Variants in VPS13B observed in about 807,000 individuals in gnomAD.
VPS13B encodes the protein intermembrane lipid transfer protein VPS13B.
A neutral mutation model predicts 426.4 loss-of-function variants in VPS13B; 285 were observed. That is an observed-to-expected ratio of 0.67 (90% confidence interval 0.61 to 0.74). The LOEUF (loss-of-function observed/expected upper bound fraction) is 0.74, where lower values mean the gene tolerates loss of function less well. VPS13B is among the 30% of genes least tolerant of loss of function. VPS13B has a pLI of 0.00. For missense variants in VPS13B, 4,537 were observed against 4,782.6 expected (o/e 0.95, Z 1.51); for synonymous variants, 1,676 against 1,676.4 (o/e 1.00, Z 0.01).
At chr8:99,696,662 C>T (rs537266776) in intron 35 of VPS13B, 25 of 725,312 alleles carry the variant, frequency 3.4e-5, no homozygotes, top group Middle Eastern at 2.4e-4. Flanking sequence ...AGGACACCAT[C>T]GAGGAGAGGA....
At chr8:99,863,131 T>C (rs367956870) in intron 58 of VPS13B, among the ~76,000 whole-genome samples, 2 of 152,278 alleles carry the variant, frequency 1.3e-5, no homozygotes, top group African/African-American at 4.8e-5. Context: ...CTTTTGTATA[T>C]TGGGCCTGGT....
At chr8:99,158,254 G>T (rs1341654919) in intron 15 of VPS13B, among the ~76,000 whole-genome samples, 3 of 152,214 alleles carry the variant, frequency 2.0e-5, no homozygotes. Context: ...TCAAAAGGCG[G>T]CCGGGCACGG....
At chr8:99,601,468 A>G (rs967777272) in intron 33 of VPS13B, among the ~76,000 whole-genome samples, 1 of 152,150 alleles carries the variant, frequency 6.6e-6, no homozygotes, top group Admixed American at 6.5e-5. Context: ...ATACGTGTGC[A>G]TGTGTCTTTA....
rs768543090 is a variant in VPS13B, at chr8:99,699,596, C to G, written c.6118C>G (p.Leu2040Val). 1.2e-6 allele frequency: 2 copies of G among 1,613,956 alleles called. No homozygotes were observed. The highest frequency in any genetic ancestry group is 2.2e-5 in the East Asian group (1 of 44,878). The change falls in exon 36 of 62, where the codon CTT (leucine) becomes GTT (valine). Residue 2040 changes from leucine (L) to valine (V), a missense_variant. Leu to Val is a conservative substitution (Grantham distance 32). Transcript: ENST00000357162. Reference sequence around the variant, plus strand: ...TTTCACCAAACTGGATCAGATAAACCTTTTTTTAAAGAAGATAAAAAATGC... The same window carrying G: ...TTTCACCAAACTGGATCAGATAAACGTTTTTTTAAAGAAGATAAAAAATGC... ...LSFTKLDQIN[L>V]FLKKIKNAHS... is the part of the protein sequence containing the mutation.
At chr8:99,510,012 A>G in intron 28 of VPS13B, among the ~76,000 whole-genome samples, 1 of 152,174 alleles carries the variant, frequency 6.6e-6, no homozygotes, top group South Asian at 2.1e-4. Context: ...AAGTTATGAT[A>G]ATTTTTTTAC....
chr8:99,431,456 CA>C lies in VPS13B; in HGVS notation c.3083-79del, dbSNP rs979405154. The C allele has an allele frequency of 8.7e-5, 132 of 1,524,150 alleles. No individual in the cohort carries two copies. In the African/African-American group the frequency reaches 1.3e-3, roughly 15 times the overall value. 94.4% of individuals were successfully genotyped at this position (1,524,150 alleles called of 1,614,324 possible). ...TTATAATTTTAAGCAAGGAAAGAAA[CA>C]ATCTTGAAAATACGTTTGGTATGTT... On this transcript the variant is annotated intron_variant, in intron 21 of 61. Coordinates refer to ENST00000357162, the MANE Select transcript of VPS13B (RefSeq NM_152564.5).
chr8:99,391,736 T>C (rs1254932069), intron 21 of VPS13B, 32 bp downstream of exon 21: 6 of 1,609,474 alleles, frequency 3.7e-6, no homozygotes, highest in Admixed American at 1.7e-5. Flanking sequence ...GGGACTATGA[T>C]TGTACTCTAC....
chr8:99,819,491 G>A lies in VPS13B; in HGVS notation c.8701G>A (p.Gly2901Arg). 6.2e-7 allele frequency: 1 copy of A among 1,613,872 alleles called. No homozygotes were observed. The change falls in exon 48 of 62, where the codon GGA becomes AGA. Residue 2901 changes from glycine (G) to arginine (R), a missense_variant. Gly to Arg is a moderately radical substitution (Grantham distance 125). Around this residue, in one of 2 missense-constraint regions of VPS13B, gnomAD observed 4,311 missense variants for 4,474.3 expected, o/e 0.96. Coordinates refer to ENST00000357162, the MANE Select transcript of VPS13B (RefSeq NM_152564.5). ...IKQIATKVHPGGTVNQILDEF... is the reference protein window; with the variant it reads ...IKQIATKVHPRGTVNQILDEF... The stretch of plus-strand genomic sequence containing the variant: ...GCAAATAGCCACTAAGGTACACCCT[G>A]GAGGCACAGTTAATCAGATCCTTGA...
rs759583333 is a variant in VPS13B, at chr8:99,641,881, G to T, written c.5291G>T (p.Ser1764Ile). ...GGMAETSSRY[S>I]GAQDSGIGSD... Reference sequence around the variant, plus strand: ...ATGGCTGAAACCTCATCTCGCTACAGTGGTGCTCAGGATAGTGGAATTGGC... The same window carrying T: ...ATGGCTGAAACCTCATCTCGCTACATTGGTGCTCAGGATAGTGGAATTGGC... Residue 1764 changes from serine (S) to isoleucine (I), a missense_variant, in exon 34 of 62, where the codon AGT becomes ATT. Transcript: ENST00000357162. 1.2e-6 allele frequency: 2 copies of T among 1,614,100 alleles called. No individual in the cohort carries two copies. Among genetic ancestry groups the T allele is most frequent in the East Asian group, 4.5e-5 (2 of 44,884 alleles).
At chr8:99,175,580 C>T (rs892846876) in intron 16 of VPS13B, among the ~76,000 whole-genome samples, 1 of 152,010 alleles carries the variant, frequency 6.6e-6, no homozygotes, top group African/African-American at 2.4e-5. Flanking sequence ...CCAAGAGTTC[C>T]AGACCCCATT....
At chr8:99,334,280 A>G (rs1447975863) in intron 19 of VPS13B, among the ~76,000 whole-genome samples, 1 of 152,050 alleles carries the variant, frequency 6.6e-6, no homozygotes, top group Non-Finnish European at 1.5e-5. Flanking sequence ...TTGAAATGAT[A>G]TCTCATTCTT....
At chr8:99,016,869 A>G (rs2132137215) in intron 2 of VPS13B, among the ~76,000 whole-genome samples, 1 of 152,266 alleles carries the variant, frequency 6.6e-6, no homozygotes, top group Non-Finnish European at 1.5e-5. Context: ...GGTTACAGGC[A>G]TGAGCCACTG....
At chr8:99,850,261 A>C (rs899273682) in intron 55 of VPS13B, among the ~76,000 whole-genome samples, 9 of 139,054 alleles carry the variant, frequency 6.5e-5, no homozygotes, top group African/African-American at 2.3e-4. Context: ...ACATACATAC[A>C]TAAGTACGCA....
At chr8:99,071,676 G>C (rs1844859118) in intron 3 of VPS13B, among the ~76,000 whole-genome samples, 1 of 152,142 alleles carries the variant, frequency 6.6e-6, no homozygotes, top group African/African-American at 2.4e-5. Flanking sequence ...TTCTCCTGTA[G>C]CCCAGGGTGG....
At chr8:99,782,803 T>C (rs1812082165) in intron 42 of VPS13B, among the ~76,000 whole-genome samples, 1 of 151,958 alleles carries the variant, frequency 6.6e-6, no homozygotes, top group Non-Finnish European at 1.5e-5. Context: ...AGCAGTCAAG[T>C]TTTGAAATCA....
intron 19 of VPS13B, among the ~76,000 whole-genome samples, chr8:99,371,496 G>C (rs909959175): frequency 6.6e-6 from 1 of 152,190 alleles, no homozygotes; most frequent in Non-Finnish European, 1.5e-5. Context: ...TAGCCTTGTA[G>C]TATAGTTTGA....
rs1417501378 is a variant in VPS13B at position 99,192,830 on chromosome 8, T to C, written c.2334-46T>C. The C allele has an allele frequency of 1.9e-6, 3 of 1,603,742 alleles. No homozygotes were observed. The South Asian group carries it at 3.3e-5, about 18-fold the overall frequency. On this transcript the variant is annotated intron_variant, in intron 16 of 61. Transcript: ENST00000357162. Reference sequence around the variant, plus strand: ...AAGTCATTTAGTATTTTGTTGTCTGTAAATGCTATTTACTGTATTGCGATT... The same window carrying C: ...AAGTCATTTAGTATTTTGTTGTCTGCAAATGCTATTTACTGTATTGCGATT...
intron 33 of VPS13B, among the ~76,000 whole-genome samples, chr8:99,630,096 C>T (rs1415548850): frequency 6.6e-6 from 1 of 152,054 alleles, no homozygotes; most frequent in Non-Finnish European, 1.5e-5. Context: ...GACATGGTGC[C>T]TGAGAATCTC....
chr8:99,205,285 A>G (rs76929968), intron 17 of VPS13B, among the ~76,000 whole-genome samples: 2 of 152,146 alleles, frequency 1.3e-5, no homozygotes, highest in African/African-American at 4.8e-5. Flanking sequence ...GTTCTCACTC[A>G]TAAGTTGGAG....
Sources: gnomAD v4.1 joint callset for allele counts (sites outside exome capture counted in the v4.1 genomes callset) on GRCh38, gnomAD v4.1.1 for gene constraint, gnomAD v4.1.1 regional missense constraint, MANE v1.5 for transcripts, NCBI Gene and HGNC (gene_info 2026-07-23, HGNC 2026-07-21) for gene names.